Variants in TAGLN2 observed in about 807,000 individuals in gnomAD.
TAGLN2 encodes the protein transgelin-2.
A neutral mutation model predicts 24.9 loss-of-function variants in TAGLN2; 14 were observed. The observed-to-expected ratio is 0.56, with a 90% CI of 0.37 to 0.88. TAGLN2 has a LOEUF of 0.88. Ranked by LOEUF, TAGLN2 falls within the 40% of genes least tolerant of loss-of-function variation. The pLI is 0.00. For synonymous variants in TAGLN2, 77 were observed against 98.2 expected, an observed-to-expected ratio of 0.78 and a Z score of 1.28; for missense variants, 208 against 258.9, an observed-to-expected ratio of 0.80 and a Z score of 1.35.
rs1218351156 is a variant in TAGLN2 at position 159,920,038 on chromosome 1, T to C, written c.181-203A>G. 3 of 758,810 alleles carry C rather than the reference T, an allele frequency of 4.0e-6. No homozygotes were observed. The East Asian group carries it at 8.1e-5, about 20-fold the overall frequency. 47.0% of individuals were successfully genotyped at this position (758,810 alleles called of 1,614,324 possible). A position where few individuals can be genotyped will look rare whatever the true frequency, so the allele number is the denominator to read the frequency against. ...GAGCCCAGAGTGAAAAGCCAGTGTT[T>C]AGTCTTTCCTTGCTAATATACCCTC... is the stretch of plus-strand genomic sequence containing the variant. On this transcript the variant is annotated intron_variant, in intron 2 of 4. Transcript: ENST00000368097.
intron 3 of TAGLN2, 108 bp from the exon 4 acceptor site, chr1:159,919,484 C>A: frequency 7.4e-7 from 1 of 1,353,108 alleles, no homozygotes; most frequent in Non-Finnish European, 1.0e-6. Flanking sequence ...TTCTACTGTT[C>A]ATTTCCATAC....
At chr1:159,923,375 G>C in intron 1 of TAGLN2, 1 of 1,532,976 alleles carries the variant, frequency 6.5e-7, no homozygotes. Context: ...CAATAGGCGG[G>C]AAACGGGGAG....
intron 4 of TAGLN2, 125 bp from the exon 5 acceptor site, chr1:159,919,066 T>G: frequency 6.8e-7 from 1 of 1,465,554 alleles, no homozygotes; most frequent in Non-Finnish European, 9.3e-7. Flanking sequence ...TCGAGAGCCA[T>G]AAGCTCTCTG....
At chr1:159,922,809 A>C (rs947345122) in intron 1 of TAGLN2, among the ~76,000 whole-genome samples, 3 of 151,858 alleles carry the variant, frequency 2.0e-5, no homozygotes. Context: ...GTGCCCCCCA[A>C]CCCCCCAAGG....
At position 159,919,653 on chromosome 1, in the gene TAGLN2, T is replaced by C; in HGVS notation, c.355+8A>G. 1 of 1,611,378 alleles carries C rather than the reference T, an allele frequency of 6.2e-7. No homozygotes were observed. The highest frequency in any genetic ancestry group is 8.5e-7 in the Non-Finnish European group (1 of 1,178,922). On this transcript the variant is annotated splice_region_variant and intron_variant, in intron 3 of 4. Coordinates refer to ENST00000368097, the MANE Select transcript of TAGLN2 (RefSeq NM_003564.3). ...GATGACAGGACCCAGCCCCTCGCCC[T>C]GTCCCACCTTCCCAGAGGTCCACAG... is the stretch of plus-strand genomic sequence containing the variant.
chr1:159,924,745 G>A (rs984484232), intron 1 of TAGLN2, among the ~76,000 whole-genome samples: 4 of 152,172 alleles, frequency 2.6e-5, no homozygotes, highest in Non-Finnish European at 5.9e-5. Context: ...GGCACCCGGT[G>A]GGGGCAGCGG....
At chr1:159,919,040 G>A in intron 4 of TAGLN2, 99 bp from the exon 5 acceptor site, 6 of 1,552,808 alleles carry the variant, frequency 3.9e-6, no homozygotes, top group Non-Finnish European at 4.4e-6. Context: ...CTCAAGGGCT[G>A]GTGCCAGCTC....
In TAGLN2 at chr1:159,923,699, G is replaced by A; in HGVS notation, c.-29+1751C>T. On this transcript the variant is annotated intron_variant, in intron 1 of 4. Coordinates refer to ENST00000368097, the MANE Select transcript of TAGLN2 (RefSeq NM_003564.3). Reference sequence around the variant, plus strand: ...GCCCACAATTAAGGGAACCACCGTAGGGCAGCCCCTCACCACCGAGAGTCA... The same window carrying A: ...GCCCACAATTAAGGGAACCACCGTAAGGCAGCCCCTCACCACCGAGAGTCA... The A allele has an allele frequency of 3.1e-5, 13 of 413,626 alleles. No homozygotes were observed. The South Asian group carries it at 4.0e-4, about 13-fold the overall frequency. 25.6% of individuals were successfully genotyped at this position (413,626 alleles called of 1,614,324 possible). A position where few individuals can be genotyped will look rare whatever the true frequency, so the allele number is the denominator to read the frequency against.
At position 159,918,694 on chromosome 1, in the gene TAGLN2, A is replaced by G. The variant is rs113008022; in HGVS notation, c.*106T>C. 6.8e-4 allele frequency: 1,003 copies of G among 1,484,292 alleles called. 11 individuals are homozygous for G. In the African/African-American group the frequency reaches 0.012, roughly 18 times the overall value. The allele number at this position is 1,484,292 out of a possible 1,614,324, so 91.9% of individuals were successfully genotyped here. A position where few individuals can be genotyped will look rare whatever the true frequency, so the allele number is the denominator to read the frequency against. On this transcript the variant is annotated 3_prime_UTR_variant, in exon 5 of 5. Coordinates refer to ENST00000368097, the MANE Select transcript of TAGLN2 (RefSeq NM_003564.3). The stretch of plus-strand genomic sequence containing the variant: ...GGCTGAACCCCCCACCCTGACAGAA[A>G]GGAGCTTGAGAGCTCTGGGGCTCTC...
intron 1 of TAGLN2, 80 bp from the exon 2 acceptor site, chr1:159,920,617 G>T: frequency 1.3e-6 from 2 of 1,517,188 alleles, no homozygotes; most frequent in Non-Finnish European, 1.8e-6. Flanking sequence ...CTGCCTGCAG[G>T]GATATACACC....
intron 1 of TAGLN2, among the ~76,000 whole-genome samples, chr1:159,921,979 G>A (rs1004873983): frequency 4.6e-5 from 7 of 152,368 alleles, no homozygotes; most frequent in East Asian, 1.9e-4. Context: ...GGCTGCTCAC[G>A]AAAGGGGACC....
intron 1 of TAGLN2, among the ~76,000 whole-genome samples, chr1:159,922,214 G>T (rs528307689): frequency 2.8e-4 from 43 of 152,306 alleles, no homozygotes; most frequent in African/African-American, 8.4e-4. Flanking sequence ...CGGCCGCAGA[G>T]GCTGTGTCTT....
intron 3 of TAGLN2, 69 bp downstream of exon 3, chr1:159,919,592 T>G: frequency 6.4e-7 from 1 of 1,573,982 alleles, no homozygotes; most frequent in South Asian, 1.1e-5. Context: ...CCCTTCTGCC[T>G]GGTCAAGAGG....
chr1:159,920,155 G>A (rs753472063), intron 2 of TAGLN2, 175 bp downstream of exon 2: 25 of 1,061,246 alleles, frequency 2.4e-5, no homozygotes, highest in Middle Eastern at 2.0e-4. Flanking sequence ...TCCACTCCAC[G>A]GGAAGGGAGG....
chr1:159,921,390 T>A (rs1210787186), intron 1 of TAGLN2, among the ~76,000 whole-genome samples: 1 of 151,634 alleles, frequency 6.6e-6, no homozygotes, highest in African/African-American at 2.4e-5. Flanking sequence ...AACAACAAAA[T>A]GGAAGTAGAA....
chr1:159,920,092 C>T (rs1650478410), intron 2 of TAGLN2: 2 of 774,682 alleles, frequency 2.6e-6, no homozygotes, highest in East Asian at 5.4e-5. Flanking sequence ...AGACATTCTT[C>T]CTCAGTGTCA....
At chr1:159,920,184 C>G in intron 2 of TAGLN2, 146 bp downstream of exon 2, 1 of 1,333,674 alleles carries the variant, frequency 7.5e-7, no homozygotes, top group Non-Finnish European at 1.1e-6. Context: ...GGCCCTCTCA[C>G]ATCCTTGACA....
intron 1 of TAGLN2, among the ~76,000 whole-genome samples, chr1:159,921,269 C>T (rs1340369916): frequency 2.6e-5 from 4 of 152,088 alleles, no homozygotes; most frequent in African/African-American, 7.2e-5. Context: ...ATTAAGATCT[C>T]GAAATGGGGA....
intron 1 of TAGLN2, chr1:159,923,368 T>C (rs1234693649): frequency 1.3e-6 from 2 of 1,517,530 alleles, no homozygotes; most frequent in African/African-American, 2.8e-5. Flanking sequence ...GGAGTTACAA[T>C]AGGCGGGAAA....
Sources: allele counts gnomAD v4.1 joint callset (sites outside exome capture counted in the v4.1 genomes callset), GRCh38; gene constraint gnomAD v4.1.1; transcripts MANE v1.5; gene names NCBI Gene and HGNC (gene_info 2026-07-23, HGNC 2026-07-21).